MYH16: variants seen among roughly 807,000 people sequenced by gnomAD.
The protein encoded by MYH16 is myosin heavy chain 16.
At chr7:99,265,434 G>A (rs1266475152) in intron 16 of MYH16, 1 of 152,602 alleles carries the variant, frequency 6.6e-6, no homozygotes, top group African/African-American at 2.4e-5. Context: ...TGGGGGACCT[G>A]GGGCCTCTGG....
chr7:99,294,552 A>T (rs865904465), intron 33 of MYH16, among the ~76,000 whole-genome samples: 1,313 of 127,528 alleles, frequency 0.01, 32 homozygotes, highest in African/African-American at 0.047. Context: ...AAAGAAAAAA[A>T]AAATATATAT....
At chr7:99,282,936 C>T (rs1036010959) in intron 23 of MYH16, among the ~76,000 whole-genome samples, 2 of 152,150 alleles carry the variant, frequency 1.3e-5, no homozygotes, top group Non-Finnish European at 2.9e-5. Flanking sequence ...GTTTTACTCA[C>T]ATAAGTGCCC....
chr7:99,255,347 C>T (rs1397537203), intron 8 of MYH16, among the ~76,000 whole-genome samples: 2 of 151,932 alleles, frequency 1.3e-5, no homozygotes, highest in Non-Finnish European at 2.9e-5. Flanking sequence ...ACTCAGGAGG[C>T]TGAGGCAGGC....
At chr7:99,279,465 C>A in intron 21 of MYH16, 45 bp from the exon 4 acceptor site, 4 of 451,998 alleles carry the variant, frequency 8.8e-6, no homozygotes, top group Non-Finnish European at 1.8e-5. Context: ...TTGGTGTGGT[C>A]TTTGCCTGGA....
chr7:99,277,928 A>T (rs1204936911), intron 21 of MYH16, among the ~76,000 whole-genome samples: 31 of 133,064 alleles, frequency 2.3e-4, no homozygotes, highest in African/African-American at 1.2e-3. Context: ...AGAGAGAGAG[A>T]GAGAGAGAGA....
chr7:99,299,927 T>TTTTATTTTATA (rs1405217065), intron 37 of MYH16, among the ~76,000 whole-genome samples: 2 of 138,182 alleles, frequency 1.4e-5, no homozygotes, highest in African/African-American at 5.5e-5. Context: ...TTTTATTTTA[T>TTTTATTTTATA]TTTATTTATT....
At chr7:99,302,887 A>G (rs564047563) in intron 38 of MYH16, among the ~76,000 whole-genome samples, 178 bp from the exon 20 acceptor site, 66 of 149,296 alleles carry the variant, frequency 4.4e-4, no homozygotes, top group African/African-American at 1.6e-3. Context: ...TGCCTAAAAA[A>G]AAAAAAAAGA....
intron 2 of MYH16, among the ~76,000 whole-genome samples, chr7:99,245,927 C>A (rs1466824518): frequency 6.6e-6 from 1 of 151,914 alleles, no homozygotes; most frequent in Non-Finnish European, 1.5e-5. Flanking sequence ...CAAGGCTGGG[C>A]GCAGTGGCTC....
At chr7:99,284,053 A>G (rs1423489790) in intron 25 of MYH16, 35 bp downstream of exon 7, 1 of 422,178 alleles carries the variant, frequency 2.4e-6, no homozygotes, top group South Asian at 1.7e-5. Flanking sequence ...GTCCATCACA[A>G]TGGTAGCAAT....
At chr7:99,271,370 G>A (rs112541620) in intron 19 of MYH16, among the ~76,000 whole-genome samples, 4,580 of 152,278 alleles carry the variant, frequency 0.03, 177 homozygotes, top group African/African-American at 0.092. Flanking sequence ...TTAGCTGGGC[G>A]TGGTGGTGGG....
intron 9 of MYH16, among the ~76,000 whole-genome samples, chr7:99,256,476 A>G (rs1483461062): frequency 6.6e-6 from 1 of 151,740 alleles, no homozygotes; most frequent in East Asian, 1.9e-4. Context: ...CTCAAAAAAA[A>G]TAAAATAAAA....
downstream of MYH16, among the ~76,000 whole-genome samples, chr7:99,307,285 C>T (rs1792695798): frequency 6.6e-6 from 1 of 152,142 alleles, no homozygotes; most frequent in South Asian, 2.1e-4. Context: ...GTCTCTAACA[C>T]TAAGAAAATG....
chr7:99,301,972 T>C (rs1792601502), intron 38 of MYH16, among the ~76,000 whole-genome samples, 168 bp downstream of exon 19: 1 of 152,110 alleles, frequency 6.6e-6, no homozygotes, highest in South Asian at 2.1e-4. Context: ...GCAGAGCTTT[T>C]TGTAAAATTG....
At chr7:99,307,116 C>T (rs117177681), downstream of MYH16, among the ~76,000 whole-genome samples, 1,562 of 152,248 alleles carry the variant, frequency 0.01, 17 homozygotes, top group Middle Eastern at 0.041. Flanking sequence ...CACAGAAGGG[C>T]GGTTCCCAAG....
At chr7:99,308,290 G>C (rs1285560221), downstream of MYH16, among the ~76,000 whole-genome samples, 1 of 56,510 alleles carries the variant, frequency 1.8e-5, no homozygotes, top group African/African-American at 9.1e-5. Flanking sequence ...GCGAGGCTCT[G>C]TCTAAAAAAA....
intron 5 of MYH16, among the ~76,000 whole-genome samples, chr7:99,250,720 C>T (rs965167222): frequency 6.7e-6 from 1 of 149,768 alleles, no homozygotes; most frequent in Non-Finnish European, 1.5e-5. Context: ...CCAGCCTGGG[C>T]AACAGAACAA....
At chr7:99,254,925 A>T (rs571240796) in intron 8 of MYH16, among the ~76,000 whole-genome samples, 1 of 152,308 alleles carries the variant, frequency 6.6e-6, no homozygotes, top group South Asian at 2.1e-4. Flanking sequence ...GCTTGAGCCC[A>T]GGAGTTTGAG....
At chr7:99,279,573 C>T (rs1370484498) in exon 22 of MYH16, 1 of 456,600 alleles carries the variant, frequency 2.2e-6, no homozygotes, top group South Asian at 1.5e-5. Flanking sequence ...CAAGATGGAT[C>T]TAGAGAGCCA....
chr7:99,263,662 G>A (rs1791960894), intron 14 of MYH16, among the ~76,000 whole-genome samples: 1 of 152,188 alleles, frequency 6.6e-6, no homozygotes. Flanking sequence ...GCAAGCAGAG[G>A]CAACATGGGA....
Sources: gnomAD v4.1 joint callset for allele counts (sites outside exome capture counted in the v4.1 genomes callset) on GRCh38, gnomAD v4.1.1 for gene constraint, MANE v1.5 for transcripts, NCBI Gene and HGNC (gene_info 2026-07-23, HGNC 2026-07-21) for gene names.